CADM2: variants seen among roughly 807,000 people sequenced by gnomAD.
The protein encoded by CADM2 is cell adhesion molecule 2, also known as immunoglobulin superfamily member 4D.
Under a neutral mutation model 49.8 loss-of-function variants are expected in CADM2, and 12 were observed. The observed-to-expected ratio is 0.24, with a 90% confidence interval of 0.15 to 0.39. The LOEUF (loss-of-function observed/expected upper bound fraction) is 0.39. Ranked by LOEUF, CADM2 falls within the 10% of genes least tolerant of loss-of-function variation. The probability of loss-of-function intolerance (pLI) is 1.00; values close to 1 mark genes in which losing one functional copy is unlikely to be tolerated. For synonymous variants in CADM2, 214 were observed against 175.4 expected, an observed-to-expected ratio of 1.22 and a Z score of -1.74; for missense variants, 378 against 492.3, an observed-to-expected ratio of 0.77 and a Z score of 2.20.
chr3:85,375,632 A>T (rs2033550401), intron 1 of CADM2, among the ~76,000 whole-genome samples: 1 of 152,182 alleles, frequency 6.6e-6, no homozygotes, highest in African/African-American at 2.4e-5. Context: ...CAGAAAACAA[A>T]ACTTGAAAAT....
At chr3:85,752,664 C>G (rs1329120727) in intron 2 of CADM2, among the ~76,000 whole-genome samples, 2 of 152,064 alleles carry the variant, frequency 1.3e-5, no homozygotes, top group Non-Finnish European at 2.9e-5. Context: ...GTCTCATTGT[C>G]TAGTAAGTCA....
At chr3:85,617,250 T>C (rs1025252866) in intron 1 of CADM2, among the ~76,000 whole-genome samples, 5 of 152,134 alleles carry the variant, frequency 3.3e-5, no homozygotes, top group African/African-American at 1.2e-4. Flanking sequence ...TGGCCTCAAG[T>C]TGGGGTTCCC....
chr3:85,852,578 A>G (rs1407446222), intron 3 of CADM2, among the ~76,000 whole-genome samples: 1 of 152,124 alleles, frequency 6.6e-6, no homozygotes, highest in Non-Finnish European at 1.5e-5. Context: ...TATTGAGAGA[A>G]AGAAAAAAAT....
chr3:85,482,618 T>A (rs1373635106), intron 1 of CADM2, among the ~76,000 whole-genome samples: 1 of 151,708 alleles, frequency 6.6e-6, no homozygotes, highest in Non-Finnish European at 1.5e-5. Context: ...GGTGTTTAGT[T>A]TGATATTTTA....
rs368831910 is a variant in CADM2, at chr3:86,065,865, T to C, written c.1096+135T>C. The C allele has an allele frequency of 2.2e-4, 184 of 841,286 alleles. 4 individuals are homozygous for C. The East Asian group carries it at 2.2e-3, about 10-fold the overall frequency. The allele number at this position is 841,286 out of a possible 1,614,324, so 52.1% of individuals were successfully genotyped here. On this transcript the variant is annotated intron_variant, in intron 9 of 9. Transcript: ENST00000383699. The stretch of plus-strand genomic sequence containing the variant: ...GAGATAGAGAGAAATGCTAAATTAT[T>C]TCAGCGAATTCTTAATTATTTTACT...
chr3:85,819,325 C>T (rs560459415), intron 3 of CADM2, among the ~76,000 whole-genome samples: 3 of 152,204 alleles, frequency 2.0e-5, no homozygotes, highest in East Asian at 3.9e-4. Context: ...AGGTTAATCT[C>T]CTCTGGCAAC....
chr3:85,095,471 G>A (rs768802530), intron 1 of CADM2, among the ~76,000 whole-genome samples: 22 of 152,020 alleles, frequency 1.4e-4, no homozygotes, highest in Non-Finnish European at 2.8e-4. Flanking sequence ...TAGACCTCTG[G>A]CTCAATTGTA....
rs186714688 is a variant in CADM2 at position 86,066,059 on chromosome 3, G to T, written c.1096+329G>T. On this transcript the variant is annotated intron_variant, in intron 9 of 9. Coordinates refer to ENST00000383699, the MANE Select transcript of CADM2 (RefSeq NM_001167675.2). Reference sequence around the variant, plus strand: ...ATTTGGTTGATGTTTTTGTCAGTTTGTGAACATCTGTGTAGCCATATTTAG... The same window carrying T: ...ATTTGGTTGATGTTTTTGTCAGTTTTTGAACATCTGTGTAGCCATATTTAG... Among the ~76,000 whole-genome samples the T allele has an allele frequency of 6.4e-3, 974 of 152,084 alleles. 7 individuals are homozygous for T. Among genetic ancestry groups the T allele is most frequent in the Non-Finnish European group, 8.8e-3 (597 of 67,974 alleles).
At chr3:85,894,748 C>T (rs751459934) in intron 5 of CADM2, among the ~76,000 whole-genome samples, 5 of 152,200 alleles carry the variant, frequency 3.3e-5, no homozygotes, top group African/African-American at 7.2e-5. Flanking sequence ...GCTTCAGCTC[C>T]AGCTGTGGCT....
chr3:85,729,175 T>G (rs17023228), intron 2 of CADM2, among the ~76,000 whole-genome samples: 23,007 of 152,106 alleles, frequency 0.15, 1,907 homozygotes, highest in African/African-American at 0.2. Flanking sequence ...TTGGTTTCAG[T>G]GGCACTGTAC....
At chr3:85,473,842 C>A (rs909945079) in intron 1 of CADM2, among the ~76,000 whole-genome samples, 2 of 151,990 alleles carry the variant, frequency 1.3e-5, no homozygotes, top group African/African-American at 4.8e-5. Flanking sequence ...CATGCCTGTA[C>A]AACTTTTTTG....
chr3:86,031,520 G>T (rs966560166), intron 8 of CADM2, among the ~76,000 whole-genome samples: 2 of 151,694 alleles, frequency 1.3e-5, no homozygotes, highest in Non-Finnish European at 3.0e-5. Flanking sequence ...ATACTATACT[G>T]ATCCTTTTAC....
intron 1 of CADM2, among the ~76,000 whole-genome samples, chr3:85,618,696 G>T (rs62263916): frequency 0.53 from 80,468 of 151,690 alleles, 23,923 homozygotes; most frequent in East Asian, 0.82. Context: ...ATACTATTAA[G>T]TACACAGATA....
intron 1 of CADM2, among the ~76,000 whole-genome samples, chr3:84,983,007 A>G (rs868597536): frequency 6.6e-6 from 1 of 152,000 alleles, no homozygotes; most frequent in Middle Eastern, 3.4e-3. Context: ...TCAGCCTCCC[A>G]AAGTCCTGGG....
At chr3:85,982,753 CATTT>C (rs1231574316) in intron 8 of CADM2, among the ~76,000 whole-genome samples, 3 of 151,562 alleles carry the variant, frequency 2.0e-5, no homozygotes, top group Non-Finnish European at 4.4e-5. Context: ...ATTTGAAAAT[CATTT>C]ATTTATAAGT....
chr3:85,203,170 C>T (rs1247112311), intron 1 of CADM2, among the ~76,000 whole-genome samples: 1 of 152,198 alleles, frequency 6.6e-6, no homozygotes, highest in Admixed American at 6.5e-5. Flanking sequence ...TTTGCACTCT[C>T]AACTTCAGTA....
intron 1 of CADM2, among the ~76,000 whole-genome samples, chr3:85,391,176 G>GGAAA (rs1358574416): frequency 6.6e-6 from 1 of 151,912 alleles, no homozygotes; most frequent in Non-Finnish European, 1.5e-5. Context: ...AGTTTCTAAA[G>GGAAA]GATACATTGG....
chr3:85,394,966 A>T (rs547214713), intron 1 of CADM2, among the ~76,000 whole-genome samples: 29 of 152,260 alleles, frequency 1.9e-4, no homozygotes, highest in African/African-American at 6.7e-4. Context: ...GTTTTCTCCT[A>T]AAATATCGTA....
At chr3:85,312,815 C>A (rs1266056612) in intron 1 of CADM2, among the ~76,000 whole-genome samples, 1 of 151,942 alleles carries the variant, frequency 6.6e-6, no homozygotes, top group Non-Finnish European at 1.5e-5. Flanking sequence ...GCTCTAAAAC[C>A]TCAGGACATT....
Sources: allele counts gnomAD v4.1 joint callset (sites outside exome capture counted in the v4.1 genomes callset), GRCh38; gene constraint gnomAD v4.1.1; transcripts MANE v1.5; gene names NCBI Gene and HGNC (gene_info 2026-07-23, HGNC 2026-07-21).